Variants in CLVS1 observed in about 807,000 individuals in gnomAD.
The protein encoded by CLVS1 is clavesin 1.
In CLVS1, 10 loss-of-function variants were observed where a neutral mutation model predicts 33.1. That is an observed-to-expected ratio of 0.30 (90% CI 0.19 to 0.51). The LOEUF is 0.51. Among genes scored for constraint, CLVS1 ranks in the 20% least tolerant of loss-of-function variants. The pLI, the probability that CLVS1 is intolerant of heterozygous loss-of-function variation, is 0.97. For synonymous variants in CLVS1, 163 were observed against 166.1 expected (o/e 0.98, Z 0.14); for missense variants, 343 against 433.4 (o/e 0.79, Z 1.85).
At chr8:60,985,979 T>C in the CLVS1 span, among the ~76,000 whole-genome samples, 2 of 152,216 alleles carry the variant, frequency 1.3e-5, no homozygotes, top group Non-Finnish European at 2.9e-5. Context: ...GTCCTTTTGA[T>C]TTCATCTTCC....
chr8:61,327,605 T>C (rs972456266), intron 2 of CLVS1, among the ~76,000 whole-genome samples: 2 of 152,334 alleles, frequency 1.3e-5, no homozygotes, highest in African/African-American at 4.8e-5. Context: ...TTTCAACTTT[T>C]TCATATGATT....
chr8:61,151,221 G>T (rs1051683564), intron 2 of CLVS1, among the ~76,000 whole-genome samples: 1 of 152,164 alleles, frequency 6.6e-6, no homozygotes, highest in African/African-American at 2.4e-5. Context: ...TGAAAGGTAG[G>T]TACTGAAGTC....
At chr8:61,429,317 G>A (rs904169628) in intron 3 of CLVS1, among the ~76,000 whole-genome samples, 1 of 151,516 alleles carries the variant, frequency 6.6e-6, no homozygotes, top group Non-Finnish European at 1.5e-5. Context: ...CTACATGGGA[G>A]GCTGAGGCAG....
At chr8:61,304,247 C>G (rs1267241193) in intron 2 of CLVS1, among the ~76,000 whole-genome samples, 1 of 152,196 alleles carries the variant, frequency 6.6e-6, no homozygotes, top group Non-Finnish European at 1.5e-5. Context: ...GACCCAGACA[C>G]ATGGACAAAA....
the CLVS1 span, among the ~76,000 whole-genome samples, chr8:61,003,651 G>C: frequency 2.8e-4 from 42 of 152,204 alleles, no homozygotes; most frequent in Admixed American, 2.7e-3. Flanking sequence ...ATATCTGGGA[G>C]AGATTGTTAC....
intron 1 of CLVS1, among the ~76,000 whole-genome samples, chr8:61,091,611 C>CA (rs1352148178): frequency 7.2e-5 from 11 of 152,072 alleles, no homozygotes; most frequent in Middle Eastern, 6.8e-3. Flanking sequence ...AAACAAACTA[C>CA]AAAAAAGAAC....
At chr8:61,000,310 G>A in the CLVS1 span, among the ~76,000 whole-genome samples, 3 of 152,238 alleles carry the variant, frequency 2.0e-5, no homozygotes, top group Non-Finnish European at 4.4e-5. Flanking sequence ...GGAAGGAGGT[G>A]ACAACACTGT....
At chr8:61,332,924 C>T (rs377235881) in intron 2 of CLVS1, among the ~76,000 whole-genome samples, 14 of 152,184 alleles carry the variant, frequency 9.2e-5, no homozygotes, top group Admixed American at 2.0e-4. Context: ...CTTGAGCCAC[C>T]GTGCCTGACC....
intron 2 of CLVS1, among the ~76,000 whole-genome samples, chr8:61,189,505 T>A (rs1478401697): frequency 1.3e-5 from 2 of 152,150 alleles, no homozygotes; most frequent in Non-Finnish European, 2.9e-5. Context: ...AATGACAGGA[T>A]CAAATTCACA....
intron 4 of CLVS1, among the ~76,000 whole-genome samples, chr8:61,455,156 T>A (rs946923222): frequency 2.0e-5 from 3 of 148,604 alleles, no homozygotes; most frequent in Admixed American, 6.8e-5. Context: ...TTAACACATC[T>A]ATCACCTCCT....
chr8:61,254,921 A>C (rs943205750), intron 2 of CLVS1, among the ~76,000 whole-genome samples: 1 of 151,848 alleles, frequency 6.6e-6, no homozygotes, highest in South Asian at 2.1e-4. Flanking sequence ...CACTGCACCC[A>C]CTCTCCGACA....
chr8:61,376,525 C>A, intron 2 of CLVS1, 80 bp from the exon 3 acceptor site: 1 of 1,362,144 alleles, frequency 7.3e-7, no homozygotes, highest in Non-Finnish European at 1.0e-6. Context: ...CAGTGGCATG[C>A]GGAGGCCAGC....
At chr8:61,083,335 T>C (rs1318687455) in intron 1 of CLVS1, among the ~76,000 whole-genome samples, 1 of 152,182 alleles carries the variant, frequency 6.6e-6, no homozygotes, top group Admixed American at 6.5e-5. Flanking sequence ...AGGCATCAAC[T>C]TGGTGCCTTG....
the CLVS1 span, among the ~76,000 whole-genome samples, chr8:61,023,215 T>G: frequency 6.6e-6 from 1 of 152,246 alleles, no homozygotes; most frequent in African/African-American, 2.4e-5. Flanking sequence ...TAACAAATTC[T>G]TTAACATGGA....
intron 1 of CLVS1, among the ~76,000 whole-genome samples, chr8:61,291,197 C>A (rs141205247): frequency 8.7e-4 from 133 of 152,314 alleles, no homozygotes; most frequent in African/African-American, 2.7e-3. Flanking sequence ...TTGCCCTAGG[C>A]TCTGTCCCTT....
chr8:61,357,431 T>A (rs974080354), intron 2 of CLVS1, among the ~76,000 whole-genome samples: 2 of 151,806 alleles, frequency 1.3e-5, no homozygotes, highest in Non-Finnish European at 2.9e-5. Flanking sequence ...ACTGCAGTAT[T>A]TTTTCAACTT....
intron 2 of CLVS1, among the ~76,000 whole-genome samples, chr8:61,166,121 T>G (rs1806860840): frequency 7.7e-6 from 1 of 129,936 alleles, no homozygotes; most frequent in Non-Finnish European, 1.6e-5. Flanking sequence ...TTAAAAGCCC[T>G]TATTTATTTT....
chr8:61,195,229 GT>G (rs1039451769), intron 2 of CLVS1, among the ~76,000 whole-genome samples: 2 of 151,548 alleles, frequency 1.3e-5, no homozygotes, highest in Non-Finnish European at 3.0e-5. Context: ...AAAGTCAAAA[GT>G]TTTTTTAAAG....
At chr8:61,060,534 A>G (rs1459954927) in intron 1 of CLVS1, among the ~76,000 whole-genome samples, 1 of 152,204 alleles carries the variant, frequency 6.6e-6, no homozygotes, top group Non-Finnish European at 1.5e-5. Context: ...TCTGCAGAAA[A>G]TCACATTAAC....
Sources: gnomAD v4.1 joint callset for allele counts (sites outside exome capture counted in the v4.1 genomes callset) on GRCh38, gnomAD v4.1.1 for gene constraint, MANE v1.5 for transcripts, NCBI Gene and HGNC (gene_info 2026-07-23, HGNC 2026-07-21) for gene names.